USP45: variants seen among roughly 807,000 people sequenced by gnomAD.
USP45 encodes the protein ubiquitin specific peptidase 45.
Under a neutral mutation model 95.8 loss-of-function variants are expected in USP45, and 89 were observed. The observed-to-expected ratio is 0.93, with a 90% confidence interval of 0.78 to 1.11. The LOEUF is 1.11. Among genes scored for constraint, USP45 ranks in the 50% least tolerant of loss-of-function variants. The probability of loss-of-function intolerance (pLI) is 0.00; values close to 1 mark genes in which losing one functional copy is unlikely to be tolerated. For synonymous variants in USP45, 281 were observed against 316.2 expected (o/e 0.89, Z 1.18); for missense variants, 898 against 942.5 (o/e 0.95, Z 0.62).
intron 8 of USP45, among the ~76,000 whole-genome samples, chr6:99,477,567 C>T (rs9494536): frequency 0.13 from 19,479 of 152,126 alleles, 1,403 homozygotes; most frequent in East Asian, 0.28. Flanking sequence ...CCCACCTCAG[C>T]CTCTCAAAGT....
intron 15 of USP45, among the ~76,000 whole-genome samples, chr6:99,442,862 A>T (rs930495121): frequency 6.6e-6 from 1 of 151,246 alleles, no homozygotes; most frequent in South Asian, 2.1e-4. Context: ...TCCCAAAAAA[A>T]TTATTTAAGT....
At chr6:99,511,600 C>A (rs962894693) in intron 1 of USP45, among the ~76,000 whole-genome samples, 1 of 151,918 alleles carries the variant, frequency 6.6e-6, no homozygotes, top group African/African-American at 2.4e-5. Context: ...CAGGTGCACA[C>A]CACAATGCCC....
intron 9 of USP45, among the ~76,000 whole-genome samples, chr6:99,470,446 T>C (rs866893102): frequency 1.4e-4 from 21 of 152,218 alleles, no homozygotes; most frequent in African/African-American, 4.6e-4. Context: ...TTATATTTCC[T>C]ATAACTGTTC....
chr6:99,492,355 TAA>T (rs1291103612), intron 5 of USP45, among the ~76,000 whole-genome samples: 1 of 150,668 alleles, frequency 6.6e-6, no homozygotes, highest in Non-Finnish European at 1.5e-5. Flanking sequence ...GCAGTGGCAA[TAA>T]AAAGAGTTTA....
chr6:99,463,356 T>G (rs1328636776), intron 13 of USP45, among the ~76,000 whole-genome samples: 1 of 152,134 alleles, frequency 6.6e-6, no homozygotes, highest in East Asian at 1.9e-4. Context: ...CCTAAAAGTT[T>G]TCTTGCTAAA....
chr6:99,476,224 A>T lies in USP45; in HGVS notation c.852T>A (p.Pro284=), dbSNP rs755007971. ...CCTGTTGCTGGAAATCTTTAAATCG[A>T]GGTGCCCTGTGATTTAAAAACAAAA... ...VLFNQLCQKA[P]RFKDFQQQDS... is the part of the protein sequence containing the mutation. The change falls in exon 9 of 18, where the codon CCT becomes CCA. Residue 284 remains proline (P), a synonymous_variant. Coordinates refer to ENST00000500704, the MANE Select transcript of USP45 (RefSeq NM_001346022.3). 6.2e-7 allele frequency: 1 copy of T among 1,613,748 alleles called. No homozygotes were observed. Among genetic ancestry groups the T allele is most frequent in the African/African-American group, 1.3e-5 (1 of 74,910 alleles).
At position 99,435,841 on chromosome 6, in the gene USP45, T is replaced by C; in HGVS notation, c.2320A>G (p.Lys774Glu). The C allele has an allele frequency of 6.2e-7, 1 of 1,607,968 alleles. No homozygotes were observed. The highest frequency in any genetic ancestry group is 8.5e-7 in the Non-Finnish European group (1 of 1,178,206). Residue 774 changes from lysine to glutamate, a missense_variant, in exon 18 of 18, where the codon AAA (lysine) becomes GAA (glutamate). Transcript: ENST00000500704. ...NTKKKNVPGL[K>E]AADNESAGQW... is the part of the protein sequence containing the mutation. ...CCTGCTGATTCATTATCAGCCGCTT[T>C]CAAACCTAGCAAAACAAAAAGAAGT...
rs1483158710 is a variant in USP45, at chr6:99,434,640, CT to C, written c.*1075del. On this transcript the variant is annotated 3_prime_UTR_variant, in exon 18 of 18. Transcript: ENST00000500704. ...ATGCCCCATTAAAAGCTAAATTCAC[CT>C]GAACTTATTAATGATGCTTGCTGAA... 6.6e-6 allele frequency: 1 copy of C among 152,112 alleles called. No homozygotes were observed. The highest frequency in any genetic ancestry group is 1.5e-5 in the Non-Finnish European group (1 of 68,012). 9.4% of individuals were successfully genotyped at this position (152,112 alleles called of 1,614,324 possible).
In USP45 at chr6:99,434,769, T is replaced by C. The variant is rs1780203098; in HGVS notation, c.*947A>G. 1 of 152,200 alleles carries C rather than the reference T, an allele frequency of 6.6e-6. No individual in the cohort carries two copies. The highest frequency in any genetic ancestry group is 2.1e-4 in the South Asian group (1 of 4,836). 9.4% of individuals were successfully genotyped at this position (152,200 alleles called of 1,614,324 possible). A position where few individuals can be genotyped will look rare whatever the true frequency, so the allele number is the denominator to read the frequency against. On this transcript the variant is annotated 3_prime_UTR_variant, in exon 18 of 18. Coordinates refer to ENST00000500704, the MANE Select transcript of USP45 (RefSeq NM_001346022.3). ...AATATAATTCTCTATCATTTACAAATATAATTTGGTAATTTATATTTCAAA... is the reference window on the plus strand; with the variant it reads ...AATATAATTCTCTATCATTTACAAACATAATTTGGTAATTTATATTTCAAA...
intron 13 of USP45, among the ~76,000 whole-genome samples, chr6:99,460,630 A>G (rs1287735804): frequency 1.3e-5 from 2 of 152,168 alleles, no homozygotes; most frequent in African/African-American, 2.4e-5. Context: ...CCTCAAATCT[A>G]TTTTGAAGTA....
intron 13 of USP45, among the ~76,000 whole-genome samples, chr6:99,451,911 G>C (rs7763359): frequency 0.45 from 68,116 of 151,362 alleles, 16,182 homozygotes; most frequent in Non-Finnish European, 0.53. Context: ...ACAAACCTGA[G>C]AAAAACAAGC....
At chr6:99,493,315 C>G (rs1347100858) in intron 5 of USP45, among the ~76,000 whole-genome samples, 2 of 151,728 alleles carry the variant, frequency 1.3e-5, no homozygotes, top group East Asian at 2.0e-4. Context: ...CATGAGCCAC[C>G]ACACTCGGCC....
Position 99,466,705 on chromosome 6 carries a change from TAATTCACC to T in USP45, c.1066_1073del (p.Gly356AsnfsTer2). The T allele has an allele frequency of 6.2e-7, 1 of 1,613,560 alleles. No homozygotes were observed. The highest frequency in any genetic ancestry group is 8.5e-7 in the Non-Finnish European group (1 of 1,179,700). ...ATTCTTCACACATGACCGTGCTAGTTAATTCACCAATAAAGATCCGATCTATGAAGTTC... is the reference window on the plus strand; with the variant it reads ...ATTCTTCACACATGACCGTGCTAGTTAATAAAGATCCGATCTATGAAGTTC... On this transcript the variant is annotated frameshift_variant, in exon 11 of 18. Transcript: ENST00000500704. LOFTEE classifies it high-confidence loss of function.
intron 13 of USP45, among the ~76,000 whole-genome samples, chr6:99,458,115 G>A (rs2128602151): frequency 6.6e-6 from 1 of 152,240 alleles, no homozygotes; most frequent in South Asian, 2.1e-4. Flanking sequence ...CCACCTCCTG[G>A]TTTCCAGAGA....
At chr6:99,504,726 T>C (rs1301712910) in intron 4 of USP45, among the ~76,000 whole-genome samples, 1 of 152,072 alleles carries the variant, frequency 6.6e-6, no homozygotes, top group African/African-American at 2.4e-5. Flanking sequence ...TGAGGAGTGA[T>C]TTTGCCACCT....
intron 1 of USP45, among the ~76,000 whole-genome samples, chr6:99,514,314 G>T (rs1305724108): frequency 6.6e-6 from 1 of 152,138 alleles, no homozygotes; most frequent in Non-Finnish European, 1.5e-5. Context: ...CAGTTTCCGC[G>T]CAGGGAAGCC....
Position 99,503,233 on chromosome 6 carries a change from A to G in USP45, c.478+532T>C, listed in dbSNP as rs557801029. Among the ~76,000 whole-genome samples the G allele has an allele frequency of 8.9e-4, 135 of 152,304 alleles. 1 individual carries two copies. Among genetic ancestry groups the G allele is most frequent in the South Asian group, 6.2e-4 (3 of 4,832 alleles). ...TCAAACTTATCAGGACTGACTTCAA[A>G]GCCCATGGTCTAGACACGACATACT... On this transcript the variant is annotated intron_variant, in intron 5 of 17. Coordinates refer to ENST00000500704, the MANE Select transcript of USP45 (RefSeq NM_001346022.3).
At chr6:99,511,693 T>A (rs571625767) in intron 1 of USP45, among the ~76,000 whole-genome samples, 2 of 152,066 alleles carry the variant, frequency 1.3e-5, no homozygotes, top group South Asian at 4.2e-4. Context: ...GCTCAAGCAA[T>A]CCACATGCCT....
At chr6:99,495,456 T>G (rs9321566) in intron 5 of USP45, among the ~76,000 whole-genome samples, 129,459 of 151,794 alleles carry the variant, frequency 0.85, 55,920 homozygotes, top group East Asian at 1. Flanking sequence ...TAGAGTCGGA[T>G]AGTTTGAGAG....
Sources: allele counts gnomAD v4.1 joint callset (sites outside exome capture counted in the v4.1 genomes callset), GRCh38; gene constraint gnomAD v4.1.1; transcripts MANE v1.5; gene names NCBI Gene and HGNC (gene_info 2026-07-23, HGNC 2026-07-21).